Variants in CDH9 observed in about 807,000 individuals in gnomAD.
The protein encoded by CDH9 is cadherin 9, also known as cadherin-9.
CDH9 carries 28 observed loss-of-function variants against 70.9 expected under a neutral mutation model. That is an observed-to-expected ratio of 0.40 (90% confidence interval 0.29 to 0.54). The LOEUF is 0.54. Among genes scored for constraint, CDH9 ranks in the 20% least tolerant of loss-of-function variants. CDH9 has a pLI of 0.59. For missense variants in CDH9, 874 were observed against 984.4 expected (o/e 0.89, Z 1.50); for synonymous variants, 409 against 343.1 (o/e 1.19, Z -2.12).
chr5:27,001,156 T>C (rs1742760408), intron 1 of CDH9, among the ~76,000 whole-genome samples: 2 of 152,108 alleles, frequency 1.3e-5, no homozygotes, highest in Admixed American at 1.3e-4. Flanking sequence ...GCTGGAAAGA[T>C]GGCTTCAGGA....
At chr5:26,955,959 G>C (rs1385965545) in intron 2 of CDH9, among the ~76,000 whole-genome samples, 1 of 152,184 alleles carries the variant, frequency 6.6e-6, no homozygotes, top group East Asian at 1.9e-4. Flanking sequence ...GTGTTTGAAA[G>C]TGAGTTTCTT....
chr5:26,888,364 G>C (rs1447709479), intron 9 of CDH9, among the ~76,000 whole-genome samples: 1 of 152,078 alleles, frequency 6.6e-6, no homozygotes, highest in Non-Finnish European at 1.5e-5. Flanking sequence ...ATGTACTACA[G>C]TGTTCATTAT....
intron 2 of CDH9, among the ~76,000 whole-genome samples, chr5:26,946,114 G>C (rs1223666959): frequency 6.6e-6 from 1 of 152,082 alleles, no homozygotes; most frequent in Non-Finnish European, 1.5e-5. Context: ...ATAATGATCT[G>C]AGTAAAAAAT....
chr5:26,924,552 T>TA (rs1554037091), intron 2 of CDH9, among the ~76,000 whole-genome samples: 13 of 150,130 alleles, frequency 8.7e-5, no homozygotes, highest in African/African-American at 2.7e-4. Flanking sequence ...AATAAGTATT[T>TA]TATATATATG....
chr5:26,948,805 C>A (rs1248392767), intron 2 of CDH9, among the ~76,000 whole-genome samples: 1 of 152,148 alleles, frequency 6.6e-6, no homozygotes, highest in Non-Finnish European at 1.5e-5. Flanking sequence ...AAGGCTATAT[C>A]TATGGATTGG....
chr5:27,008,687 T>C (rs1579510140), intron 1 of CDH9, among the ~76,000 whole-genome samples: 1 of 152,222 alleles, frequency 6.6e-6, no homozygotes, highest in Non-Finnish European at 1.5e-5. Context: ...TAAACTTACA[T>C]TTGCCATTTT....
intron 7 of CDH9, among the ~76,000 whole-genome samples, chr5:26,893,790 T>C (rs1049089985): frequency 1.3e-5 from 2 of 152,084 alleles, no homozygotes; most frequent in Admixed American, 6.6e-5. Flanking sequence ...ATTTGCAAAA[T>C]AACAATGTAG....
At chr5:26,907,127 G>T (rs922447840) in intron 3 of CDH9, among the ~76,000 whole-genome samples, 2 of 151,994 alleles carry the variant, frequency 1.3e-5, no homozygotes, top group African/African-American at 4.8e-5. Flanking sequence ...GATTGGAAGT[G>T]TTTTAGGGCA....
intron 2 of CDH9, among the ~76,000 whole-genome samples, chr5:26,916,492 T>C (rs57214828): frequency 0.11 from 17,327 of 152,008 alleles, 1,648 homozygotes; most frequent in East Asian, 0.49. Flanking sequence ...TTTTTTCCTA[T>C]ATGTACCTTC....
intron 1 of CDH9, among the ~76,000 whole-genome samples, chr5:27,013,143 C>T (rs890305886): frequency 6.6e-6 from 1 of 151,858 alleles, no homozygotes; most frequent in Non-Finnish European, 1.5e-5. Context: ...CTAAACCCAA[C>T]TCAATGTAAA....
intron 2 of CDH9, among the ~76,000 whole-genome samples, chr5:26,918,095 GGCATCTCT>G (rs1741178747): frequency 6.6e-6 from 1 of 152,062 alleles, no homozygotes; most frequent in African/African-American, 2.4e-5. Flanking sequence ...GAATTCCAGA[GGCATCTCT>G]GCCTCTTTTC....
Position 26,896,909 on chromosome 5 carries a change from G to A in CDH9, c.1253+5567C>T, listed in dbSNP as rs144628500. On this transcript the variant is annotated intron_variant, in intron 7 of 11. Coordinates refer to ENST00000231021, the MANE Select transcript of CDH9 (RefSeq NM_016279.4). ...GTTTTTTTGAAAAGATTAAGAAATAGGTGGACCACTTGCCAGACTAATAAA... is the reference window on the plus strand; with the variant it reads ...GTTTTTTTGAAAAGATTAAGAAATAAGTGGACCACTTGCCAGACTAATAAA... Among the ~76,000 whole-genome samples, 268 of 151,730 alleles carry A rather than the reference G, an allele frequency of 1.8e-3. 5 individuals are homozygous for A. The East Asian group carries it at 0.041, about 23-fold the overall frequency.
intron 2 of CDH9, among the ~76,000 whole-genome samples, chr5:26,916,627 C>A (rs994945657): frequency 1.3e-5 from 2 of 151,922 alleles, no homozygotes; most frequent in African/African-American, 4.8e-5. Context: ...CTCTTTCTCT[C>A]TCTCTCAAAA....
intron 2 of CDH9, among the ~76,000 whole-genome samples, chr5:26,958,407 A>G (rs1741980712): frequency 6.6e-6 from 1 of 152,150 alleles, no homozygotes; most frequent in Non-Finnish European, 1.5e-5. Context: ...TAACTAAACG[A>G]TGACCTCCCC....
intron 7 of CDH9, among the ~76,000 whole-genome samples, chr5:26,892,743 T>G (rs983586903): frequency 2.6e-5 from 4 of 152,016 alleles, no homozygotes; most frequent in Admixed American, 2.0e-4. Flanking sequence ...TTTCTTTTCT[T>G]TTTTTGAGAC....
intron 2 of CDH9, among the ~76,000 whole-genome samples, chr5:26,935,913 C>T (rs1055612051): frequency 3.3e-5 from 5 of 152,168 alleles, no homozygotes; most frequent in African/African-American, 4.8e-5. Flanking sequence ...TGGACTACTA[C>T]TCAGCCATGA....
At chr5:26,985,808 T>C in intron 2 of CDH9, among the ~76,000 whole-genome samples, 1 of 152,052 alleles carries the variant, frequency 6.6e-6, no homozygotes, top group Non-Finnish European at 1.5e-5. Context: ...AACACTGTGG[T>C]CAAAAAGACA....
chr5:26,931,500 GT>G (rs1243180781), intron 2 of CDH9, among the ~76,000 whole-genome samples: 9 of 152,118 alleles, frequency 5.9e-5, no homozygotes, highest in African/African-American at 2.2e-4. Flanking sequence ...AATAAACATT[GT>G]GAACATTAAG....
intron 3 of CDH9, among the ~76,000 whole-genome samples, chr5:26,914,145 A>T (rs929967059): frequency 6.6e-6 from 1 of 151,982 alleles, no homozygotes; most frequent in Non-Finnish European, 1.5e-5. Context: ...TAGGTATGTC[A>T]AATCTTTCTG....
Sources: allele counts gnomAD v4.1 joint callset (sites outside exome capture counted in the v4.1 genomes callset), GRCh38; gene constraint gnomAD v4.1.1; transcripts MANE v1.5; gene names NCBI Gene and HGNC (gene_info 2026-07-23, HGNC 2026-07-21).